Variants in IGFN1 observed in about 807,000 individuals in gnomAD.
The protein encoded by IGFN1 is immunoglobulin-like and fibronectin type III domain-containing protein 1.
Under a neutral mutation model 289.5 loss-of-function variants are expected in IGFN1, and 253 were observed. The ratio of observed to expected loss-of-function variants is 0.87; its 90% CI spans 0.79 to 0.97. The LOEUF is 0.97. Among genes scored for constraint, IGFN1 ranks in the 50% least tolerant of loss-of-function variants. IGFN1 has a pLI of 0.00. For missense variants in IGFN1, 4,470 were observed against 4,686.1 expected (o/e 0.95, Z 1.35); for synonymous variants, 1,706 against 1,788.5 (o/e 0.95, Z 1.16).
rs371390134 is a variant in IGFN1, at chr1:201,215,576, G to A, written c.9033G>A (p.Leu3011=). Residue 3011 remains leucine, a synonymous_variant, in exon 15 of 24, where the codon CTG becomes CTA. Transcript: ENST00000335211. ...PTIAPDVTEK[L]REPLVVKAGK... is the part of the protein sequence containing the mutation. ...TTGCTCCAGATGTGACAGAGAAACT[G>A]AGAGAGCCACTGGTGGTCAAGGCTG... 2.6e-5 allele frequency: 42 copies of A among 1,604,672 alleles called. No homozygotes were observed. The highest frequency in any genetic ancestry group is 3.5e-5 in the Non-Finnish European group (41 of 1,175,540).
At chr1:201,213,728 G>A in intron 12 of IGFN1, 107 bp downstream of exon 12, 1 of 911,108 alleles carries the variant, frequency 1.1e-6, no homozygotes, top group South Asian at 1.7e-5. Context: ...AGCCCCAGGA[G>A]TTTGTCCCTG....
rs1428213976 is a variant in IGFN1, at chr1:201,215,583, C to A, written c.9040C>A (p.Pro3014Thr). The change falls in exon 15 of 24, where the codon CCA (proline) becomes ACA (threonine). Residue 3014 changes from proline to threonine, a missense_variant. Physicochemically the swap from Pro to Thr is conservative, Grantham distance 38 (BLOSUM62 -1). Transcript: ENST00000335211. ...APDVTEKLRE[P>T]LVVKAGKPVI... ...AGATGTGACAGAGAAACTGAGAGAG[C>A]CACTGGTGGTCAAGGCTGGGAAGCC... 1.9e-6 allele frequency: 3 copies of A among 1,607,684 alleles called. No homozygotes were observed. The highest frequency in any genetic ancestry group is 1.7e-6 in the Non-Finnish European group (2 of 1,177,252).
Position 201,209,049 on chromosome 1 carries a change from G to A in IGFN1, c.4156G>A (p.Glu1386Lys), listed in dbSNP as rs1211423987. 6.5e-7 allele frequency: 1 copy of A among 1,536,844 alleles called. No individual in the cohort carries two copies. Among genetic ancestry groups the A allele is most frequent in the African/African-American group, 1.4e-5 (1 of 73,000 alleles). ...TAATAGGAAAGATTTGGGGGTTCCT[G>A]AGGGAATGGGTGCAGGTTACAGGGC... is the stretch of plus-strand genomic sequence containing the variant. ...TDNRKDLGVP[E>K]GMGAGYRAGL... Residue 1386 changes from glutamate (E) to lysine (K), a missense_variant, in exon 12 of 24, where the codon GAG becomes AAG. Physicochemically the swap from Glu to Lys is moderately conservative, Grantham distance 56. Around this residue, in one of 8 missense-constraint regions of IGFN1, gnomAD observed 2,011 missense variants for 1,953.4 expected, o/e 1.03. Coordinates refer to ENST00000335211, the MANE Select transcript of IGFN1 (RefSeq NM_001164586.2).
intron 3 of IGFN1, among the ~76,000 whole-genome samples, chr1:201,194,764 G>T (rs1415110965): frequency 1.3e-5 from 2 of 152,224 alleles, no homozygotes; most frequent in Non-Finnish European, 2.9e-5. Context: ...GGGAACAAAG[G>T]CTTATTGGGG....
At position 201,226,187 on chromosome 1, in the gene IGFN1, T is replaced by C. The variant is rs555314622; in HGVS notation, c.10786+64T>C. The C allele has an allele frequency of 7.5e-6, 11 of 1,465,558 alleles. No individual in the cohort carries two copies. The South Asian group carries it at 1.2e-4, about 16-fold the overall frequency. 90.8% of individuals were successfully genotyped at this position (1,465,558 alleles called of 1,614,324 possible). A position where few individuals can be genotyped will look rare whatever the true frequency, so the allele number is the denominator to read the frequency against. ...GGTTGCGCTCTGCAATGCAGTGGGA[T>C]GCACCCAAGCATGGCAAGCGCGCAG... On this transcript the variant is annotated intron_variant, in intron 22 of 23. Transcript: ENST00000335211.
At chr1:201,204,459 A>G (rs1667308628) in intron 10 of IGFN1, among the ~76,000 whole-genome samples, 1 of 152,196 alleles carries the variant, frequency 6.6e-6, no homozygotes, top group African/African-American at 2.4e-5. Flanking sequence ...TGAAAGGACA[A>G]CGAGAGGCCT....
chr1:201,194,749 G>A (rs754614862), intron 3 of IGFN1, among the ~76,000 whole-genome samples: 6 of 152,196 alleles, frequency 3.9e-5, no homozygotes, highest in Non-Finnish European at 7.3e-5. Context: ...GTCCAAGAAA[G>A]TGGTGGGAAC....
Position 201,206,241 on chromosome 1 carries a change from C to T in IGFN1, c.1348C>T (p.Pro450Ser), listed in dbSNP as rs866654002. The change falls in exon 12 of 24, where the codon CCG becomes TCG. Residue 450 changes from proline to serine, a missense_variant. Pro to Ser is a moderately conservative substitution (Grantham distance 74). Coordinates refer to ENST00000335211, the MANE Select transcript of IGFN1 (RefSeq NM_001164586.2). Reference protein sequence around the residue: ...PRGGSLEGAGPASGLQHIASP... With the variant: ...PRGGSLEGAGSASGLQHIASP... ...GGGGGGCTCCCTTGAAGGGGCTGGG[C>T]CGGCTTCTGGGCTCCAGCACATAGC... 53 of 1,547,230 alleles carry T rather than the reference C, an allele frequency of 3.4e-5. 1 individual carries two copies. The Middle Eastern group carries it at 7.9e-3, about 230-fold the overall frequency.
At chr1:201,216,895 C>A (rs1204680246) in intron 16 of IGFN1, 142 bp downstream of exon 16, 1 of 665,080 alleles carries the variant, frequency 1.5e-6, no homozygotes, top group Non-Finnish European at 2.5e-6. Context: ...TCTGGAGACT[C>A]CTTCCCTCAG....
At chr1:201,204,521 T>C (rs1197812941) in intron 10 of IGFN1, among the ~76,000 whole-genome samples, 1 of 151,862 alleles carries the variant, frequency 6.6e-6, no homozygotes, top group African/African-American at 2.4e-5. Flanking sequence ...TGAATCAAAG[T>C]TGGGGGAGAA....
rs1311909424 is a variant in IGFN1, at chr1:201,215,829, C to G, written c.9286C>G (p.Gln3096Glu). 2 of 1,599,672 alleles carry G rather than the reference C, an allele frequency of 1.3e-6. No homozygotes were observed. The highest frequency in any genetic ancestry group is 1.7e-6 in the Non-Finnish European group (2 of 1,172,680). The change falls in exon 15 of 24, where the codon CAA (glutamine) becomes GAA (glutamate). Residue 3096 changes from glutamine to glutamate, a missense_variant. Physicochemically the swap from Gln to Glu is conservative, Grantham distance 29 (BLOSUM62 2). Coordinates refer to ENST00000335211, the MANE Select transcript of IGFN1 (RefSeq NM_001164586.2). ...GGSVQAELTL[Q>E]VIDKPDPPQG... ...CTCTGTGCAGGCCGAGCTCACTCTGCAAGTCATAGGTACCAGCCCTGTCTT... is the reference window on the plus strand; with the variant it reads ...CTCTGTGCAGGCCGAGCTCACTCTGGAAGTCATAGGTACCAGCCCTGTCTT...
intron 5 of IGFN1, 79 bp downstream of exon 5, chr1:201,197,396 AGGGAG>A (rs1666966290): frequency 3.8e-4 from 193 of 505,100 alleles, no homozygotes; most frequent in Non-Finnish European, 4.8e-4. Flanking sequence ...GTGGCTAGTG[AGGGAG>A]GGGAGGGGAG....
rs1315129959 is a variant in IGFN1, at chr1:201,211,978, C to A, written c.7085C>A (p.Ser2362Ter). The A allele has an allele frequency of 6.5e-7, 1 of 1,534,804 alleles. No individual in the cohort carries two copies. Among genetic ancestry groups the A allele is most frequent in the Admixed American group, 2.0e-5 (1 of 50,894 alleles). Reference protein sequence around the residue: ...PEGKMGYGDGSGRLGVPGSLA... With the variant: ...PEGKMGYGDG ...GGTAAGATGGGTTATGGAGATGGTT[C>A]AGGGAGGCTTGGAGTACCAGGCTCA... Residue 2362 changes from serine (S) to a stop codon, truncating the protein, a stop_gained, in exon 12 of 24, where the codon TCA becomes TAA. Transcript: ENST00000335211. LOFTEE classifies it high-confidence loss of function.
intron 8 of IGFN1, 120 bp downstream of exon 8, chr1:201,200,531 GC>G: frequency 1.3e-6 from 1 of 791,686 alleles, no homozygotes; most frequent in South Asian, 1.8e-5. Context: ...TGATCAAGGG[GC>G]CTGTCTCCAT....
chr1:201,204,905 T>A (rs942299196), intron 10 of IGFN1, among the ~76,000 whole-genome samples, 177 bp from the exon 11 acceptor site: 4 of 152,108 alleles, frequency 2.6e-5, no homozygotes, highest in African/African-American at 7.2e-5. Context: ...CTGTAGCCCC[T>A]CATTTTACTT....
Position 201,205,180 on chromosome 1 carries a change from G to T in IGFN1, c.1015G>T (p.Ala339Ser). The change falls in exon 11 of 24, where the codon GCA (alanine) becomes TCA (serine). Residue 339 changes from alanine (A) to serine (S), a missense_variant. Around this residue, in one of 8 missense-constraint regions of IGFN1, gnomAD observed 2,011 missense variants for 1,953.4 expected, o/e 1.03. Coordinates refer to ENST00000335211, the MANE Select transcript of IGFN1 (RefSeq NM_001164586.2). ...TACCCTCTCCAGCCCCTGCCCTAGTGCAGCCTGGCATTTCCGGCACCGGCT... is the reference window on the plus strand; with the variant it reads ...TACCCTCTCCAGCCCCTGCCCTAGTTCAGCCTGGCATTTCCGGCACCGGCT... ...ECTLSSPCPSAAWHFRHRLLH... is the reference protein window; with the variant it reads ...ECTLSSPCPSSAWHFRHRLLH... 1 of 1,551,272 alleles carries T rather than the reference G, an allele frequency of 6.4e-7. No individual in the cohort carries two copies. Among genetic ancestry groups the T allele is most frequent in the Non-Finnish European group, 8.7e-7 (1 of 1,146,988 alleles).
chr1:201,194,388 G>A, intron 3 of IGFN1, 115 bp downstream of exon 3: 2 of 1,141,260 alleles, frequency 1.8e-6, no homozygotes, highest in East Asian at 5.2e-5. Flanking sequence ...TCCATCACTA[G>A]GCCATAGCCC....
Position 201,211,758 on chromosome 1 carries a change from G to A in IGFN1, c.6865G>A (p.Val2289Ile), listed in dbSNP as rs1250145429. Residue 2289 changes from valine (V) to isoleucine (I), a missense_variant, in exon 12 of 24, where the codon GTT (valine) becomes ATT (isoleucine). This residue lies in a region of IGFN1 where 2,218 missense variants were observed against 2,114.1 expected (regional missense o/e 1.05). Coordinates refer to ENST00000335211, the MANE Select transcript of IGFN1 (RefSeq NM_001164586.2). ...AGGGGATGAGGCAGGTTATAAGAAT[G>A]TTTTAGGGGGTTCTGGGAGGAATCC... ...SSGDEAGYKN[V>I]LGGSGRNPLG... 24 of 1,536,792 alleles carry A rather than the reference G, an allele frequency of 1.6e-5. No homozygotes were observed. Among genetic ancestry groups the A allele is most frequent in the Non-Finnish European group, 1.9e-5 (22 of 1,146,800 alleles).
intron 1 of IGFN1, among the ~76,000 whole-genome samples, chr1:201,191,264 A>G (rs1666647640): frequency 6.6e-6 from 1 of 152,168 alleles, no homozygotes; most frequent in African/African-American, 2.4e-5. Flanking sequence ...TTTGGTTAGT[A>G]TCATGGTCAA....
Sources: allele counts gnomAD v4.1 joint callset (sites outside exome capture counted in the v4.1 genomes callset), GRCh38; gene constraint gnomAD v4.1.1; regional missense constraint gnomAD v4.1.1; transcripts MANE v1.5; gene names NCBI Gene and HGNC (gene_info 2026-07-23, HGNC 2026-07-21).